Variants in NUP62CL observed in about 807,000 individuals in gnomAD.
NUP62CL encodes nucleoporin-62 C-terminal-like protein.
A neutral mutation model predicts 15.3 loss-of-function variants in NUP62CL; 13 were observed. That is an observed-to-expected ratio of 0.85 (90% CI 0.55 to 1.35). The LOEUF is 1.35. NUP62CL is among the 40% of genes most tolerant of loss of function. NUP62CL has a pLI of 0.00. For synonymous variants in NUP62CL, 54 were observed against 49.2 expected, an observed-to-expected ratio of 1.10 and a Z score of -0.41; for missense variants, 123 against 130.6, an observed-to-expected ratio of 0.94 and a Z score of 0.28.
chrX:107,167,914 A>G, intron 3 of NUP62CL, 130 bp from the exon 4 acceptor site: 1 of 538,469 alleles, frequency 1.9e-6, no homozygotes, highest in African/African-American at 2.3e-5. Flanking sequence ...GCAGATTTGA[A>G]TTCAACACTG....
intron 4 of NUP62CL, among the ~76,000 whole-genome samples, chrX:107,156,018 C>T (rs768242958): frequency 1.8e-5 from 2 of 111,196 alleles, no homozygotes; most frequent in Non-Finnish European, 3.8e-5. Context: ...AAAGGGGTGA[C>T]GGACGCACCT....
intron 4 of NUP62CL, among the ~76,000 whole-genome samples, chrX:107,164,329 T>C (rs182194396): frequency 5.9e-4 from 66 of 111,599 alleles, no homozygotes; most frequent in African/African-American, 2.1e-3. Flanking sequence ...TAACATAATA[T>C]GTAGGTCACA....
At chrX:107,149,849 A>G (rs1216671980) in intron 7 of NUP62CL, among the ~76,000 whole-genome samples, 1 of 111,456 alleles carries the variant, frequency 9.0e-6, no homozygotes, top group Non-Finnish European at 1.9e-5. Context: ...GGAGCGGGAA[A>G]AGGAGGACTC....
intron 1 of NUP62CL, among the ~76,000 whole-genome samples, chrX:107,201,831 CAGAGGCTG>C (rs2147819808): frequency 9.1e-6 from 1 of 110,375 alleles, no homozygotes; most frequent in African/African-American, 3.3e-5. Context: ...CCACCTACTC[CAGAGGCTG>C]AGGTGGGAGG....
At chrX:107,143,435 G>A (rs892077551) in intron 8 of NUP62CL, among the ~76,000 whole-genome samples, 5 of 109,710 alleles carry the variant, frequency 4.6e-5, no homozygotes, top group African/African-American at 1.3e-4. Flanking sequence ...GGCTGGTTTC[G>A]AATCCCTGGG....
At chrX:107,189,923 AAGAAAGAAAG>A (rs1252258849) in intron 2 of NUP62CL, among the ~76,000 whole-genome samples, 2 of 107,445 alleles carry the variant, frequency 1.9e-5, no homozygotes, top group African/African-American at 6.9e-5. Context: ...GAAAGAAAGA[AAGAAAGAAAG>A]AAAGAAAGAA....
chrX:107,167,533 C>T, intron 4 of NUP62CL, 116 bp downstream of exon 4: 3 of 500,533 alleles, frequency 6.0e-6, no homozygotes, highest in South Asian at 5.2e-5. Flanking sequence ...TTGACTGTTC[C>T]CTCAACTCAG....
At chrX:107,180,937 T>C (rs1324694613) in intron 2 of NUP62CL, among the ~76,000 whole-genome samples, 2 of 96,065 alleles carry the variant, frequency 2.1e-5, no homozygotes, top group African/African-American at 7.9e-5. Context: ...TTTTTTGAGG[T>C]GGAGTCTCGC....
At position 107,167,728 on chromosome X, in the gene NUP62CL, T is replaced by C. The variant is rs1926550575; in HGVS notation, c.115A>G (p.Thr39Ala). The change falls in exon 4 of 9, where the codon ACC (threonine) becomes GCC (alanine). Residue 39 changes from threonine to alanine, a missense_variant. Thr to Ala is a moderately conservative substitution (Grantham distance 58). Transcript: ENST00000372466. ...TTTTGGTTCACAGTAAAGCCACTGG[T>C]GATTGTGGTAGTAGTGTTGGTGGTG... Reference protein sequence around the residue: ...TFTTNTTTTITSGFTVNQNQL... With the variant: ...TFTTNTTTTIASGFTVNQNQL... The C allele has an allele frequency of 8.3e-7, 1 of 1,206,324 alleles. No homozygotes were observed. Among genetic ancestry groups the C allele is most frequent in the Non-Finnish European group, 1.1e-6 (1 of 890,882 alleles).
At position 107,167,687 on chromosome X, in the gene NUP62CL, T is replaced by C; in HGVS notation, c.156A>G (p.Arg52=). The change falls in exon 4 of 9, where the codon AGA becomes AGG. Residue 52 remains arginine, a synonymous_variant. Coordinates refer to ENST00000372466, the MANE Select transcript of NUP62CL (RefSeq NM_017681.3). ...TATAAGGTACAAGGTTTTCAAACCC[T>C]CTTGATAACAGTTGGTTTTGGTTCA... ...FTVNQNQLLS[R]GFENLVPYTS... 8.3e-7 allele frequency: 1 copy of C among 1,209,345 alleles called. No homozygotes were observed. Among genetic ancestry groups the C allele is most frequent in the East Asian group, 3.0e-5 (1 of 33,808 alleles).
chrX:107,152,117 GAT>G lies in NUP62CL; in HGVS notation c.530+1053_530+1054del, dbSNP rs3072230. On this transcript the variant is annotated intron_variant, in intron 7 of 8. Coordinates refer to ENST00000372466, the MANE Select transcript of NUP62CL (RefSeq NM_017681.3). Reference sequence around the variant, plus strand: ...ATATTCAGATATATATATATATTCAGATATATATATATATTCAGATATATATA... The same window carrying G: ...ATATTCAGATATATATATATATTCAGATATATATATATTCAGATATATATA... 2.3e-3 allele frequency among the ~76,000 whole-genome samples: 80 copies of G among 34,717 alleles called. 1 individual carries two copies. Among genetic ancestry groups the G allele is most frequent in the Admixed American group, 8.7e-3 (21 of 2,409 alleles). 30.1% of individuals were successfully genotyped at this position (34,717 alleles called of 115,157 possible).
At chrX:107,163,574 T>TA (rs1399873604) in intron 4 of NUP62CL, among the ~76,000 whole-genome samples, 24 of 111,891 alleles carry the variant, frequency 2.1e-4, no homozygotes, top group Non-Finnish European at 4.3e-4. Context: ...GAAGAGTGAA[T>TA]AAAAAATGAT....
chrX:107,169,392 C>T (rs1247835178), intron 3 of NUP62CL, among the ~76,000 whole-genome samples: 2 of 112,295 alleles, frequency 1.8e-5, no homozygotes, highest in Non-Finnish European at 3.8e-5. Context: ...CCTAAAGCTG[C>T]CTTAAGAATA....
In NUP62CL at chrX:107,152,095, TTCAG is replaced by T. The variant is rs1358981957; in HGVS notation, c.530+1073_530+1076del. Among the ~76,000 whole-genome samples, 16 of 62,417 alleles carry T rather than the reference TTCAG, an allele frequency of 2.6e-4. 1 individual carries two copies. Among genetic ancestry groups the T allele is most frequent in the Admixed American group, 4.4e-4 (2 of 4,506 alleles). 54.2% of individuals were successfully genotyped at this position (62,417 alleles called of 115,157 possible). A position where few individuals can be genotyped will look rare whatever the true frequency, so the allele number is the denominator to read the frequency against. On this transcript the variant is annotated intron_variant, in intron 7 of 8. Transcript: ENST00000372466. ...ATATATTCAGATATATATATATATA[TTCAG>T]ATATATATATATATTCAGATATATA...
intron 2 of NUP62CL, among the ~76,000 whole-genome samples, chrX:107,180,683 C>T (rs996654486): frequency 9.0e-6 from 1 of 111,028 alleles, no homozygotes; most frequent in East Asian, 2.8e-4. Flanking sequence ...TGAAGAAGCT[C>T]TGGAAAGACA....
intron 8 of NUP62CL, among the ~76,000 whole-genome samples, chrX:107,134,864 T>C (rs1925602880): frequency 9.0e-6 from 1 of 111,730 alleles, no homozygotes; most frequent in Admixed American, 9.4e-5. Flanking sequence ...TATCCCAATG[T>C]CTACATGACT....
intron 2 of NUP62CL, among the ~76,000 whole-genome samples, chrX:107,182,540 A>C (rs1451986558): frequency 1.9e-5 from 2 of 107,024 alleles, no homozygotes; most frequent in African/African-American, 7.0e-5. Context: ...GTTTTTTTTA[A>C]AAGAATAGAG....
rs1925325183 is a variant in NUP62CL, at chrX:107,123,936, T to A, written c.*439A>T. On this transcript the variant is annotated 3_prime_UTR_variant, in exon 9 of 9. Coordinates refer to ENST00000372466, the MANE Select transcript of NUP62CL (RefSeq NM_017681.3). Reference sequence around the variant, plus strand: ...CATGTACTTTTGGCAGACATCACCCTATGATTCAACTGGAGTGAGAAGGAT... The same window carrying A: ...CATGTACTTTTGGCAGACATCACCCAATGATTCAACTGGAGTGAGAAGGAT... 6.1e-6 allele frequency: 1 copy of A among 163,936 alleles called. No homozygotes were observed. Among genetic ancestry groups the A allele is most frequent in the Non-Finnish European group, 1.1e-5 (1 of 90,186 alleles). The allele number at this position is 163,936 out of a possible 1,213,427, so 13.5% of individuals were successfully genotyped here. A position where few individuals can be genotyped will look rare whatever the true frequency, so the allele number is the denominator to read the frequency against.
intron 4 of NUP62CL, among the ~76,000 whole-genome samples, chrX:107,155,974 C>T (rs1183448476): frequency 8.9e-6 from 1 of 112,363 alleles, no homozygotes; most frequent in Non-Finnish European, 1.9e-5. Context: ...CTGGGAAGCG[C>T]AAGGGGTCAG....
Sources: gnomAD v4.1 joint callset for allele counts (sites outside exome capture counted in the v4.1 genomes callset) on GRCh38, gnomAD v4.1.1 for gene constraint, MANE v1.5 for transcripts, NCBI Gene and HGNC (gene_info 2026-07-23, HGNC 2026-07-21) for gene names.